The following NCS1 variants were observed in gnomAD, a reference collection of about 807,000 sequenced individuals.
NCS1 encodes the protein frequenin homolog.
A neutral mutation model predicts 28.4 loss-of-function variants in NCS1; 6 were observed. The ratio of observed to expected loss-of-function variants is 0.21; its 90% CI spans 0.12 to 0.42. The LOEUF (loss-of-function observed/expected upper bound fraction) is 0.42. Ranked by LOEUF, NCS1 falls within the 10% of genes least tolerant of loss-of-function variation. The probability of loss-of-function intolerance (pLI) is 1.00; values close to 1 mark genes in which losing one functional copy is unlikely to be tolerated. For missense variants in NCS1, 131 were observed against 241.4 expected, an observed-to-expected ratio of 0.54 and a Z score of 3.03; for synonymous variants, 86 against 99.3, an observed-to-expected ratio of 0.87 and a Z score of 0.79.
At chr9:130,202,271 AC>A (rs1263519390) in intron 2 of NCS1, among the ~76,000 whole-genome samples, 2 of 151,694 alleles carry the variant, frequency 1.3e-5, no homozygotes, top group Admixed American at 6.6e-5. Context: ...CCTTGAACTC[AC>A]CTTTGTCTCC....
rs1449991829 is a variant in NCS1, at chr9:130,186,756, C to T, written c.64+14029C>T. ...CCCTGAGAGGGTCCCAAGGAGGTGTCAAGGTTTGGCAACTCTGGGGACATG... is the reference window on the plus strand; with the variant it reads ...CCCTGAGAGGGTCCCAAGGAGGTGTTAAGGTTTGGCAACTCTGGGGACATG... On this transcript the variant is annotated intron_variant, in intron 1 of 7. Coordinates refer to ENST00000372398, the MANE Select transcript of NCS1 (RefSeq NM_014286.4). This position sits in a 1 kb window ranked among gnomAD's most constrained non-coding sequence, Gnocchi z 4.1. 6.6e-6 allele frequency among the ~76,000 whole-genome samples: 1 copy of T among 152,174 alleles called. No homozygotes were observed. Among genetic ancestry groups the T allele is most frequent in the Non-Finnish European group, 1.5e-5 (1 of 68,034 alleles).
intron 1 of NCS1, among the ~76,000 whole-genome samples, chr9:130,189,108 C>T (rs1373417375): frequency 6.6e-6 from 1 of 152,198 alleles, no homozygotes; most frequent in Non-Finnish European, 1.5e-5. Flanking sequence ...ACTCAGAGGA[C>T]AGGAACCTGT....
intron 2 of NCS1, among the ~76,000 whole-genome samples, chr9:130,201,813 G>A (rs567317609): frequency 6.6e-6 from 1 of 152,258 alleles, no homozygotes; most frequent in East Asian, 1.9e-4. Flanking sequence ...GCTGGGAGGT[G>A]CCCCATCCTG....
At chr9:130,183,878 C>T (rs569385674) in intron 1 of NCS1, among the ~76,000 whole-genome samples, 3 of 150,932 alleles carry the variant, frequency 2.0e-5, no homozygotes, top group South Asian at 4.2e-4. Flanking sequence ...GGCATGATCT[C>T]GGCCCACTGC....
intron 1 of NCS1, among the ~76,000 whole-genome samples, chr9:130,189,879 A>AAAAAAAAAAATAT (rs1554906056): frequency 2.6e-5 from 1 of 37,750 alleles, no homozygotes; most frequent in African/African-American, 1.2e-4. Flanking sequence ...AAAAAAAAAA[A>AAAAAAAAAAATAT]ATATATATAT....
intron 4 of NCS1, among the ~76,000 whole-genome samples, chr9:130,221,345 T>C (rs1265125908): frequency 3.5e-5 from 5 of 143,086 alleles, no homozygotes; most frequent in African/African-American, 1.3e-4. Flanking sequence ...AATATATATA[T>C]ATATAAAATA....
At chr9:130,217,763 C>T (rs1227325648) in intron 2 of NCS1, 69 bp from the exon 3 acceptor site, 28 of 1,608,172 alleles carry the variant, frequency 1.7e-5, no homozygotes, top group African/African-American at 8.0e-5. Flanking sequence ...CCCGGGCAGG[C>T]GATGTTGGTG....
intron 4 of NCS1, among the ~76,000 whole-genome samples, chr9:130,221,102 C>T (rs1833278898): frequency 6.6e-6 from 1 of 152,048 alleles, no homozygotes; most frequent in South Asian, 2.1e-4. Context: ...CGGCCCACTA[C>T]AATCTCTGCC....
chr9:130,184,951 A>G (rs1193841428), intron 1 of NCS1, among the ~76,000 whole-genome samples: 2 of 151,718 alleles, frequency 1.3e-5, no homozygotes, highest in Non-Finnish European at 2.9e-5. Flanking sequence ...GCGACAGAAT[A>G]AGACTCCGAG....
In NCS1 at chr9:130,189,882, ATATATAT is replaced by A. The variant is rs1564704658; in HGVS notation, c.65-11075_65-11069del. On this transcript the variant is annotated intron_variant, in intron 1 of 7. Transcript: ENST00000372398. ...TCAAAAAAAAAAAAAAAAAAAAAAT[ATATATAT>A]ATATATATATATATATATATTCCCA... Among the ~76,000 whole-genome samples the A allele has an allele frequency of 3.2e-3, 138 of 43,680 alleles. 3 individuals carry two copies. Among genetic ancestry groups the A allele is most frequent in the African/African-American group, 0.01 (120 of 11,646 alleles). The allele number at this position is 43,680 out of a possible 152,430, so 28.7% of individuals were successfully genotyped here.
At chr9:130,178,763 A>G in intron 1 of NCS1, among the ~76,000 whole-genome samples, 1 of 147,868 alleles carries the variant, frequency 6.8e-6, no homozygotes, top group Admixed American at 6.9e-5. Context: ...GATGAACTGG[A>G]GTATCGGTGG....
intron 2 of NCS1, among the ~76,000 whole-genome samples, chr9:130,217,110 A>T (rs1833202120): frequency 6.6e-6 from 1 of 152,208 alleles, no homozygotes; most frequent in South Asian, 2.1e-4. Context: ...GGATGAGGAA[A>T]CTGAGGCTCA....
Position 130,181,398 on chromosome 9 carries a change from CA to C in NCS1, c.64+8672del, listed in dbSNP as rs1832652154. On this transcript the variant is annotated intron_variant, in intron 1 of 7. Coordinates refer to ENST00000372398, the MANE Select transcript of NCS1 (RefSeq NM_014286.4). This position sits in a 1 kb window ranked among gnomAD's most constrained non-coding sequence, Gnocchi z 5.0. The stretch of plus-strand genomic sequence containing the variant: ...TCTGCGAGCTGCAGCACGGGACGGT[CA>C]GGGGCTGTCACTGCGGTGAGAATCT... Among the ~76,000 whole-genome samples the C allele has an allele frequency of 6.6e-6, 1 of 152,158 alleles. No homozygotes were observed. The highest frequency in any genetic ancestry group is 6.5e-5 in the Admixed American group (1 of 15,280).
intron 2 of NCS1, among the ~76,000 whole-genome samples, chr9:130,204,884 A>G (rs2131138956): frequency 6.6e-6 from 1 of 152,270 alleles, no homozygotes; most frequent in African/African-American, 2.4e-5. Context: ...GGATGAGGAA[A>G]CTGAGGCCCA....
intron 1 of NCS1, among the ~76,000 whole-genome samples, chr9:130,193,511 G>A (rs970322819): frequency 2.0e-5 from 3 of 152,136 alleles, no homozygotes; most frequent in Non-Finnish European, 2.9e-5. Context: ...TGCAGTTGGT[G>A]CAGGACTGCC....
chr9:130,226,536 T>G lies in NCS1; in HGVS notation c.*17+32T>G. 2 of 1,522,292 alleles carry G rather than the reference T, an allele frequency of 1.3e-6. No homozygotes were observed. Among genetic ancestry groups the G allele is most frequent in the Non-Finnish European group, 1.8e-6 (2 of 1,107,802 alleles). The allele number at this position is 1,522,292 out of a possible 1,614,324, so 94.3% of individuals were successfully genotyped here. On this transcript the variant is annotated intron_variant, in intron 7 of 7. Transcript: ENST00000372398. This position sits in a 1 kb window ranked among gnomAD's most constrained non-coding sequence, Gnocchi z 4.8. ...GCAGACTCGGGGCCTGGGGTGGGTC[T>G]GGGATGGGTCAGGGGTGAAAACCCA...
In NCS1 at chr9:130,236,586, A is replaced by T. The variant is rs1274463770; in HGVS notation, c.*3614A>T. On this transcript the variant is annotated 3_prime_UTR_variant, in exon 8 of 8. Coordinates refer to ENST00000372398, the MANE Select transcript of NCS1 (RefSeq NM_014286.4). ...TTTTAATATCTGCGGAATAAACCCA[A>T]TGGTTAATTTTTGAATGAATAAAAG... 1.3e-5 allele frequency: 2 copies of T among 149,976 alleles called. No individual in the cohort carries two copies. The highest frequency in any genetic ancestry group is 1.3e-4 in the Admixed American group (2 of 15,038). The allele number at this position is 149,976 out of a possible 1,614,324, so 9.3% of individuals were successfully genotyped here.
chr9:130,219,903 A>C lies in NCS1; in HGVS notation c.307+100A>C. 8.1e-7 allele frequency: 1 copy of C among 1,238,932 alleles called. No homozygotes were observed. The highest frequency in any genetic ancestry group is 2.4e-5 in the East Asian group (1 of 42,290). The allele number at this position is 1,238,932 out of a possible 1,614,324, so 76.7% of individuals were successfully genotyped here. A position where few individuals can be genotyped will look rare whatever the true frequency, so the allele number is the denominator to read the frequency against. ...CACCAGGCAGGGGTGCCAGACACCC[A>C]CTGCAGTGACCACAGATGGCGTCCC... On this transcript the variant is annotated intron_variant, in intron 4 of 7. Coordinates refer to ENST00000372398, the MANE Select transcript of NCS1 (RefSeq NM_014286.4). This position sits in a 1 kb window ranked among gnomAD's most constrained non-coding sequence, Gnocchi z 5.7.
rs1369231833 is a variant in NCS1 at position 130,177,306 on chromosome 9, C to T, written c.64+4579C>T. Among the ~76,000 whole-genome samples the T allele has an allele frequency of 6.6e-6, 1 of 152,146 alleles. No individual in the cohort carries two copies. Among genetic ancestry groups the T allele is most frequent in the African/African-American group, 2.4e-5 (1 of 41,414 alleles). On this transcript the variant is annotated intron_variant, in intron 1 of 7. Transcript: ENST00000372398. This position sits in a 1 kb window ranked among gnomAD's most constrained non-coding sequence, Gnocchi z 4.4. Reference sequence around the variant, plus strand: ...TGAGGAATATTCTCTGATCATCACTCCCCACCCAACTCTGCTCAACCAGGG... The same window carrying T: ...TGAGGAATATTCTCTGATCATCACTTCCCACCCAACTCTGCTCAACCAGGG...
Sources: gnomAD v4.1 joint callset for allele counts (sites outside exome capture counted in the v4.1 genomes callset) on GRCh38, gnomAD v4.1.1 for gene constraint, Gnocchi (gnomAD v3.1) non-coding constraint, MANE v1.5 for transcripts, NCBI Gene and HGNC (gene_info 2026-07-23, HGNC 2026-07-21) for gene names.